SIRT7: variants seen among roughly 807,000 people sequenced by gnomAD.
The protein encoded by SIRT7 is NAD-dependent protein deacetylase sirtuin-7.
In SIRT7, 32 loss-of-function variants were observed where a neutral mutation model predicts 42.8. The ratio of observed to expected loss-of-function variants is 0.75; its 90% confidence interval spans 0.56 to 1.00. SIRT7 has a LOEUF of 1.00. Among genes scored for constraint, SIRT7 ranks in the 50% least tolerant of loss-of-function variants. The probability of loss-of-function intolerance (pLI) is 0.00; values close to 1 mark genes in which losing one functional copy is unlikely to be tolerated. For missense variants in SIRT7, 553 were observed against 572.2 expected, an observed-to-expected ratio of 0.97 and a Z score of 0.34; for synonymous variants, 297 against 245.2, an observed-to-expected ratio of 1.21 and a Z score of -1.97.
chr17:81,912,864 G>A (rs1381799417), intron 9 of SIRT7: 1 of 571,242 alleles, frequency 1.8e-6, no homozygotes, highest in African/African-American at 1.9e-5. Context: ...AAAACTCCGT[G>A]TCCTTGTCCA....
At position 81,914,102 on chromosome 17, in the gene SIRT7, G is replaced by A; in HGVS notation, c.882C>T (p.Tyr294=). The change falls in exon 8 of 10, where the codon TAC becomes TAT. Residue 294 remains tyrosine (Y), a synonymous_variant. Coordinates refer to ENST00000328666, the MANE Select transcript of SIRT7 (RefSeq NM_016538.3). ...TKPPSRRPKL[Y]IVNLQWTPKD... ...CCCGAGTTACCTGCAGGTTCACGAT[G>A]TAAAGCTTCGGCCGCCGGCTAGGGG... 1.9e-6 allele frequency: 3 copies of A among 1,613,546 alleles called. No individual in the cohort carries two copies. The highest frequency in any genetic ancestry group is 1.3e-5 in the African/African-American group (1 of 75,066).
chr17:81,917,427 C>T, intron 3 of SIRT7, 188 bp downstream of exon 3: 1 of 508,944 alleles, frequency 2.0e-6, no homozygotes, highest in East Asian at 3.4e-5. Flanking sequence ...ATTCGTATCT[C>T]TACTCCTTGT....
chr17:81,917,486 A>C, intron 3 of SIRT7, 129 bp downstream of exon 3: 1 of 773,598 alleles, frequency 1.3e-6, no homozygotes, highest in Non-Finnish European at 1.9e-6. Flanking sequence ...AAAAGCGTTT[A>C]CCTTAGGTAA....
At position 81,913,707 on chromosome 17, in the gene SIRT7, A is replaced by T. The variant is rs1598340729; in HGVS notation, c.1004+67T>A. On this transcript the variant is annotated intron_variant, in intron 9 of 9. Coordinates refer to ENST00000328666, the MANE Select transcript of SIRT7 (RefSeq NM_016538.3). This position sits in a 1 kb window ranked among gnomAD's most constrained non-coding sequence, Gnocchi z 5.0. ...GAGCTTCCTCCACACTCAGCTCACG[A>T]GAGAAGACAGACAAGGCCCAGCACA... 7.4e-7 allele frequency: 1 copy of T among 1,348,504 alleles called. No homozygotes were observed. The highest frequency in any genetic ancestry group is 2.0e-5 in the Admixed American group (1 of 50,550). The allele number at this position is 1,348,504 out of a possible 1,614,324, so 83.5% of individuals were successfully genotyped here.
rs1278107737 is a variant in SIRT7 at position 81,913,892 on chromosome 17, G to A, written c.898-12C>T. On this transcript the variant is annotated splice_polypyrimidine_tract_variant and intron_variant, in intron 8 of 9. Coordinates refer to ENST00000328666, the MANE Select transcript of SIRT7 (RefSeq NM_016538.3). This position sits in a 1 kb window ranked among gnomAD's most constrained non-coding sequence, Gnocchi z 5.0. ...TCCTTCGGGGTCCACTGAGGACAGG[G>A]AAAGCCGAGTGAGAGTAACAGCAGC... The A allele has an allele frequency of 5.2e-6, 8 of 1,550,596 alleles. No individual in the cohort carries two copies. The highest frequency in any genetic ancestry group is 8.7e-7 in the Non-Finnish European group (1 of 1,147,278).
chr17:81,914,308 C>T lies in SIRT7; in HGVS notation c.802G>A (p.Gly268Arg), dbSNP rs2040750200. 1 of 1,613,076 alleles carries T rather than the reference C, an allele frequency of 6.2e-7. No homozygotes were observed. The highest frequency in any genetic ancestry group is 1.1e-5 in the South Asian group (1 of 91,080). The part of the protein sequence containing the change: ...ASRADTILCL[G>R]SSLKVLKKYP... ...TCGGCACGTACCTTCAGGCTGGACC[C>T]TAGACACAGGATGGTGTCTGCTCTG... The change falls in exon 7 of 10, where the codon GGG becomes AGG. Residue 268 changes from glycine to arginine, a missense_variant. Coordinates refer to ENST00000328666, the MANE Select transcript of SIRT7 (RefSeq NM_016538.3).
In SIRT7 at chr17:81,915,443, C is replaced by T; in HGVS notation, c.477G>A (p.Lys159=). Reference sequence around the variant, plus strand: ...ACCAGCCACCCAGGGCTCTTACCAGCTTCTGCTCATGCAGACGGGTGATGC... The same window carrying T: ...ACCAGCCACCCAGGGCTCTTACCAGTTTCTGCTCATGCAGACGGGTGATGC... The part of the protein sequence containing the change: ...HMSITRLHEQ[K]LVQHVVSQNC... The change falls in exon 5 of 10, where the codon AAG becomes AAA. Residue 159 remains lysine, a synonymous_variant. Coordinates refer to ENST00000328666, the MANE Select transcript of SIRT7 (RefSeq NM_016538.3). 2.5e-6 allele frequency: 4 copies of T among 1,612,810 alleles called. No homozygotes were observed. The highest frequency in any genetic ancestry group is 2.2e-5 in the South Asian group (2 of 90,758).
At position 81,912,446 on chromosome 17, in the gene SIRT7, T is replaced by C. The variant is rs2040690566; in HGVS notation, c.1173A>G (p.Thr391=). 8 of 1,613,962 alleles carry C rather than the reference T, an allele frequency of 5.0e-6. No individual in the cohort carries two copies. Among genetic ancestry groups the C allele is most frequent in the Non-Finnish European group, 5.1e-6 (6 of 1,180,026 alleles). ...TCACTTTCTTCCTTTTTGTGCGTTTTGTGCAGCCCCTGCCAAACCAGCCCC... is the reference window on the plus strand; with the variant it reads ...TCACTTTCTTCCTTTTTGTGCGTTTCGTGCAGCCCCTGCCAAACCAGCCCC... ...ILGGWFGRGC[T]KRTKRKKVT is the part of the protein sequence containing the mutation. Residue 391 remains threonine, a synonymous_variant, in exon 10 of 10, where the codon ACA becomes ACG. Transcript: ENST00000328666.
chr17:81,912,327 C>T lies in SIRT7; in HGVS notation c.*89G>A, dbSNP rs752523205. 3.0e-5 allele frequency: 45 copies of T among 1,493,806 alleles called. No individual in the cohort carries two copies. Among genetic ancestry groups the T allele is most frequent in the African/African-American group, 4.1e-5 (3 of 72,442 alleles). 92.5% of individuals were successfully genotyped at this position (1,493,806 alleles called of 1,614,324 possible). ...GTGAAAATGTCATCCCCAAAGAGTT[C>T]GTTCTCCCTAGACCCGTGGGGGCAA... is the stretch of plus-strand genomic sequence containing the variant. On this transcript the variant is annotated 3_prime_UTR_variant, in exon 10 of 10. Transcript: ENST00000328666.
At position 81,917,633 on chromosome 17, in the gene SIRT7, T is replaced by A. The variant is rs1215830833; in HGVS notation, c.318A>T (p.Thr106=). 1.9e-6 allele frequency: 3 copies of A among 1,605,630 alleles called. No homozygotes were observed. The Admixed American group carries it at 5.0e-5, about 27-fold the overall frequency. Residue 106 remains threonine (T), a synonymous_variant, in exon 3 of 10, where the codon ACA becomes ACT. Coordinates refer to ENST00000328666, the MANE Select transcript of SIRT7 (RefSeq NM_016538.3). ...VRNAKYLVVY[T]GAGISTAASI... ...TCCCTACCGTGCTGATTCCCGCGCC[T>A]GTGTAGACGACCAAGTATTTGGCGT...
rs200047214 is a variant in SIRT7 at position 81,913,912 on chromosome 17, A to G, written c.898-32T>C. ...ACAGGGAAAGCCGAGTGAGAGTAAC[A>G]GCAGCCCAACCCTTCCCGGTGGCCT... On this transcript the variant is annotated intron_variant, in intron 8 of 9. Coordinates refer to ENST00000328666, the MANE Select transcript of SIRT7 (RefSeq NM_016538.3). The surrounding 1 kb of genome is among the most constrained non-coding windows in gnomAD (Gnocchi z 5.0). 5.2e-6 allele frequency: 8 copies of G among 1,547,390 alleles called. No homozygotes were observed. The highest frequency in any genetic ancestry group is 7.0e-6 in the Non-Finnish European group (8 of 1,143,806).
chr17:81,914,539 A>G lies in SIRT7; in HGVS notation c.580-9T>C, dbSNP rs533430276. On this transcript the variant is annotated splice_polypyrimidine_tract_variant and intron_variant, in intron 6 of 9. Coordinates refer to ENST00000328666, the MANE Select transcript of SIRT7 (RefSeq NM_016538.3). The stretch of plus-strand genomic sequence containing the variant: ...ACGCAGGAGGTACAGACCTAGAGGC[A>G]AGAGGGCACAGTGAGTGGGACCCGC... 6.2e-7 allele frequency: 1 copy of G among 1,613,112 alleles called. No individual in the cohort carries two copies. Among genetic ancestry groups the G allele is most frequent in the South Asian group, 1.1e-5 (1 of 91,074 alleles).
In SIRT7 at chr17:81,913,548, C is replaced by T. The variant is rs2143781049; in HGVS notation, c.1004+226G>A. On this transcript the variant is annotated intron_variant, in intron 9 of 9. Coordinates refer to ENST00000328666, the MANE Select transcript of SIRT7 (RefSeq NM_016538.3). This position sits in a 1 kb window ranked among gnomAD's most constrained non-coding sequence, Gnocchi z 5.0. ...GGAGCACGCGGGCAGAATCCCTCTC[C>T]CCGCGGGGATTGTGTGTGCCACATC... The T allele has an allele frequency of 1.9e-6, 1 of 540,364 alleles. No homozygotes were observed. Among genetic ancestry groups the T allele is most frequent in the Non-Finnish European group, 3.3e-6 (1 of 298,590 alleles). The allele number at this position is 540,364 out of a possible 1,614,324, so 33.5% of individuals were successfully genotyped here.
rs201835115 is a variant in SIRT7, at chr17:81,913,819, C to T, written c.959G>A (p.Arg320Gln). Reference sequence around the variant, plus strand: ...CAAGCCCAGCTCGGCCATGAGGAGCCGCATGACGTCATCACACTTCCCATG... The same window carrying T: ...CAAGCCCAGCTCGGCCATGAGGAGCTGCATGACGTCATCACACTTCCCATG... ...KLHGKCDDVM[R>Q]LLMAELGLEI... The change falls in exon 9 of 10, where the codon CGG becomes CAG. Residue 320 changes from arginine (R) to glutamine (Q), a missense_variant. By Grantham distance (43) the Arg-to-Gln change is conservative. Coordinates refer to ENST00000328666, the MANE Select transcript of SIRT7 (RefSeq NM_016538.3). The surrounding 1 kb of genome is among the most constrained non-coding windows in gnomAD (Gnocchi z 5.0). 2.1e-5 allele frequency: 33 copies of T among 1,549,586 alleles called. No individual in the cohort carries two copies. Among genetic ancestry groups the T allele is most frequent in the African/African-American group, 5.5e-5 (4 of 73,042 alleles).
rs2040841734 is a variant in SIRT7 at position 81,918,067 on chromosome 17, T to A, written c.65A>T (p.Glu22Val). ...GCGGAGGCGCTCCCTCTGCTGCTCC[T>A]CCCGCAACCTCCGGACCCGCTCCGC... ...KAAERVRRLR[E>V]EQQRERLRQV... The change falls in exon 1 of 10, where the codon GAG (glutamate) becomes GTG (valine). Residue 22 changes from glutamate (E) to valine (V), a missense_variant. Glu to Val is a moderately radical substitution (Grantham distance 121). Transcript: ENST00000328666. The A allele has an allele frequency of 6.5e-7, 1 of 1,543,454 alleles. No individual in the cohort carries two copies. Among genetic ancestry groups the A allele is most frequent in the African/African-American group, 1.4e-5 (1 of 70,508 alleles).
chr17:81,914,562 C>A (rs375320363), intron 6 of SIRT7, 32 bp from the exon 7 acceptor site: 1 of 1,612,526 alleles, frequency 6.2e-7, no homozygotes, highest in South Asian at 1.1e-5. Context: ...GAGTGGGACC[C>A]GCCTGCCCAT....
intron 3 of SIRT7, chr17:81,915,986 T>C (rs2040790093): frequency 2.4e-6 from 1 of 418,414 alleles, no homozygotes; most frequent in Non-Finnish European, 4.5e-6. Context: ...CTGTGGCACA[T>C]GTGTCCTCCA....
In SIRT7 at chr17:81,918,053, C is replaced by T; in HGVS notation, c.79G>A (p.Glu27Lys). 1 of 1,522,158 alleles carries T rather than the reference C, an allele frequency of 6.6e-7. No homozygotes were observed. The highest frequency in any genetic ancestry group is 8.7e-7 in the Non-Finnish European group (1 of 1,144,044). The allele number at this position is 1,522,158 out of a possible 1,614,324, so 94.3% of individuals were successfully genotyped here. The part of the protein sequence containing the change: ...VRRLREEQQR[E>K]RLRQVSRILR... The stretch of plus-strand genomic sequence containing the variant: ...CGGCGGCGTACCTGGCGGAGGCGCT[C>T]CCTCTGCTGCTCCTCCCGCAACCTC... The change falls in exon 1 of 10, where the codon GAG becomes AAG. Residue 27 changes from glutamate (E) to lysine (K), a missense_variant. Glu to Lys is a moderately conservative substitution (Grantham distance 56). Transcript: ENST00000328666.
intron 8 of SIRT7, 70 bp downstream of exon 8, chr17:81,914,017 G>A (rs765466648): frequency 1.1e-4 from 174 of 1,590,098 alleles, no homozygotes; most frequent in Middle Eastern, 1.0e-3. Context: ...TGGTGCATGG[G>A]TGTGGGGTGT....
Sources: gnomAD v4.1 joint callset for allele counts on GRCh38, gnomAD v4.1.1 for gene constraint, Gnocchi (gnomAD v3.1) non-coding constraint, MANE v1.5 for transcripts, NCBI Gene and HGNC (gene_info 2026-07-23, HGNC 2026-07-21) for gene names.